Variants in WWOX observed in about 807,000 individuals in gnomAD.
WWOX encodes WW domain containing oxidoreductase, also known as WW domain-containing oxidoreductase.
Under a neutral mutation model 46.2 loss-of-function variants are expected in WWOX, and 69 were observed. That is an observed-to-expected ratio of 1.49 (90% CI 1.23 to 1.82). The LOEUF (loss-of-function observed/expected upper bound fraction) is 1.82, where lower values mean the gene tolerates loss of function less well. Ranked by LOEUF, WWOX falls within the 40% of genes most tolerant of loss-of-function variation. WWOX has a pLI of 0.00. For synonymous variants in WWOX, 359 were observed against 202.6 expected, an observed-to-expected ratio of 1.77 and a Z score of -6.56; for missense variants, 919 against 542.6, an observed-to-expected ratio of 1.69 and a Z score of -6.89.
chr16:78,393,591 G>GAC lies in WWOX; in HGVS notation c.605+6646_605+6647dup, dbSNP rs531766218. ...TCCTGGAACTTAAAAAGTTGGTGAC[G>GAC]ACACCTGAGATATTTATTACTTAGA... is the stretch of plus-strand genomic sequence containing the variant. On this transcript the variant is annotated intron_variant, in intron 6 of 8. Transcript: ENST00000566780. 2.8e-4 allele frequency among the ~76,000 whole-genome samples: 43 copies of GAC among 152,278 alleles called. No homozygotes were observed. In the South Asian group the frequency reaches 8.7e-3, roughly 31 times the overall value.
At chr16:78,454,771 G>A (rs545031283) in intron 8 of WWOX, among the ~76,000 whole-genome samples, 1 of 152,068 alleles carries the variant, frequency 6.6e-6, no homozygotes, top group South Asian at 2.1e-4. Context: ...TGCTGGGATT[G>A]CAGGCTTGAG....
At chr16:78,683,860 C>T (rs142446006) in intron 8 of WWOX, among the ~76,000 whole-genome samples, 1 of 152,132 alleles carries the variant, frequency 6.6e-6, no homozygotes, top group African/African-American at 2.4e-5. Flanking sequence ...TCTTTGGTCA[C>T]AAGGAACAGA....
At chr16:78,751,461 T>TTTTA (rs368019503) in intron 8 of WWOX, among the ~76,000 whole-genome samples, 1 of 128,438 alleles carries the variant, frequency 7.8e-6, no homozygotes, top group African/African-American at 3.0e-5. Context: ...TTATCAGATT[T>TTTTA]TATATATATA....
At chr16:78,631,267 C>G (rs2046422427) in intron 8 of WWOX, among the ~76,000 whole-genome samples, 1 of 152,066 alleles carries the variant, frequency 6.6e-6, no homozygotes, top group African/African-American at 2.4e-5. Context: ...CCACCCCTTC[C>G]TCACCCAAGA....
At chr16:78,511,984 C>T (rs1161468928) in intron 8 of WWOX, among the ~76,000 whole-genome samples, 3 of 152,216 alleles carry the variant, frequency 2.0e-5, no homozygotes, top group African/African-American at 4.8e-5. Context: ...ATCCACTTTA[C>T]ATATGAAAAG....
chr16:78,749,739 T>A (rs2049432447), intron 8 of WWOX, among the ~76,000 whole-genome samples: 1 of 152,214 alleles, frequency 6.6e-6, no homozygotes, highest in African/African-American at 2.4e-5. Flanking sequence ...TTGCCTCCGT[T>A]AAAGCCGTAT....
intron 8 of WWOX, among the ~76,000 whole-genome samples, chr16:78,991,364 T>G (rs1249366756): frequency 2.0e-5 from 3 of 151,990 alleles, no homozygotes; most frequent in South Asian, 2.1e-4. Context: ...GAGGCTGAGA[T>G]GGGAGGATCA....
chr16:78,499,796 A>G (rs1251391933), intron 8 of WWOX, among the ~76,000 whole-genome samples: 1 of 152,218 alleles, frequency 6.6e-6, no homozygotes, highest in Non-Finnish European at 1.5e-5. Context: ...TAAGAAATCG[A>G]GGCCAAGGCA....
intron 8 of WWOX, among the ~76,000 whole-genome samples, chr16:78,712,776 C>T (rs2048470780): frequency 6.6e-6 from 1 of 152,084 alleles, no homozygotes; most frequent in South Asian, 2.1e-4. Context: ...CTAAGACTTG[C>T]TTTAAAATAA....
chr16:78,227,233 C>G (rs537186972), intron 5 of WWOX, among the ~76,000 whole-genome samples: 2 of 152,194 alleles, frequency 1.3e-5, no homozygotes, highest in African/African-American at 2.4e-5. Context: ...GAATTGTACG[C>G]TTTAAGGTTA....
chr16:78,359,800 A>T (rs922024857), intron 5 of WWOX, among the ~76,000 whole-genome samples: 12 of 152,344 alleles, frequency 7.9e-5, no homozygotes, highest in African/African-American at 2.6e-4. Context: ...GCATGATGCC[A>T]TTCCCATCTG....
At chr16:78,969,052 C>A (rs35692949) in intron 8 of WWOX, among the ~76,000 whole-genome samples, 5 of 152,098 alleles carry the variant, frequency 3.3e-5, no homozygotes, top group Non-Finnish European at 7.4e-5. Flanking sequence ...TCCAGTGGCC[C>A]TTGTCTTGTT....
intron 8 of WWOX, among the ~76,000 whole-genome samples, chr16:78,815,026 G>A (rs747523391): frequency 7.2e-5 from 11 of 152,152 alleles, no homozygotes; most frequent in Non-Finnish European, 1.5e-4. Flanking sequence ...ACCTTCCTCT[G>A]TAGAAGGTTT....
rs191213857 is a variant in WWOX, at chr16:78,464,606, G to A, written c.1056+31854G>A. Among the ~76,000 whole-genome samples, 238 of 152,296 alleles carry A rather than the reference G, an allele frequency of 1.6e-3. 2 individuals are homozygous for A. Among genetic ancestry groups the A allele is most frequent in the African/African-American group, 5.5e-3 (228 of 41,562 alleles). ...GTGCAGGTTAGAGGCTATGTCAGAA[G>A]CAAGTCAGGATTTGAAGGCAGATCT... On this transcript the variant is annotated intron_variant, in intron 8 of 8. Transcript: ENST00000566780.
chr16:79,163,044 C>T (rs2050517908), intron 8 of WWOX, among the ~76,000 whole-genome samples: 1 of 152,186 alleles, frequency 6.6e-6, no homozygotes, highest in South Asian at 2.1e-4. Flanking sequence ...TTCTTTCAGG[C>T]ATTTATCCAA....
intron 8 of WWOX, chr16:78,891,607 C>T (rs950039204): frequency 1.3e-5 from 2 of 152,142 alleles, no homozygotes; most frequent in African/African-American, 4.8e-5. Context: ...AATGTGAGAA[C>T]ACCTTCAGTT....
chr16:78,726,374 C>T (rs2048837569), intron 8 of WWOX, among the ~76,000 whole-genome samples: 2 of 151,924 alleles, frequency 1.3e-5, no homozygotes, highest in South Asian at 2.1e-4. Flanking sequence ...CACAGGTATG[C>T]ACCACCACAC....
chr16:79,198,792 C>G (rs534646617), intron 8 of WWOX, among the ~76,000 whole-genome samples: 2 of 152,308 alleles, frequency 1.3e-5, no homozygotes, highest in East Asian at 1.9e-4. Flanking sequence ...TAGTACCCAT[C>G]AAACACTTAA....
At chr16:78,700,113 C>CTA (rs139200008) in intron 8 of WWOX, among the ~76,000 whole-genome samples, 2,710 of 151,718 alleles carry the variant, frequency 0.018, 43 homozygotes, top group Non-Finnish European at 0.029. Context: ...TCAACCCACA[C>CTA]TAGTTACGTG....
Sources: allele counts gnomAD v4.1 joint callset (sites outside exome capture counted in the v4.1 genomes callset), GRCh38; gene constraint gnomAD v4.1.1; transcripts MANE v1.5; gene names NCBI Gene and HGNC (gene_info 2026-07-23, HGNC 2026-07-21).